The following ZFAT variants were observed in gnomAD, a reference collection of about 807,000 sequenced individuals.
ZFAT encodes the protein zinc finger protein ZFAT.
ZFAT carries 64 observed loss-of-function variants against 117.7 expected under a neutral mutation model. The observed-to-expected ratio is 0.54, with a 90% CI of 0.44 to 0.67. The LOEUF (loss-of-function observed/expected upper bound fraction) is 0.67, where lower values mean the gene tolerates loss of function less well. Among genes scored for constraint, ZFAT ranks in the 30% least tolerant of loss-of-function variants. The pLI is 0.00. For missense variants in ZFAT, 1,433 were observed against 1,584.5 expected, an observed-to-expected ratio of 0.90 and a Z score of 1.62; for synonymous variants, 679 against 615.0, an observed-to-expected ratio of 1.10 and a Z score of -1.54.
the ZFAT span, among the ~76,000 whole-genome samples, chr8:134,744,588 G>A: frequency 7.9e-5 from 12 of 151,888 alleles, no homozygotes; most frequent in East Asian, 9.7e-4. Context: ...GAACCACTGC[G>A]CGCAGCCTGA....
the ZFAT span, among the ~76,000 whole-genome samples, chr8:134,734,332 T>C: frequency 2.0e-5 from 3 of 152,256 alleles, no homozygotes; most frequent in Non-Finnish European, 2.9e-5. Context: ...GCTGTTCCTA[T>C]ACCCTTGTGA....
intron 13 of ZFAT, among the ~76,000 whole-genome samples, chr8:134,515,011 A>G (rs1047611475): frequency 6.6e-6 from 1 of 151,648 alleles, no homozygotes; most frequent in East Asian, 1.9e-4. Flanking sequence ...CCCTGTGTCC[A>G]TGTGTTCTCA....
chr8:134,665,935 C>T (rs1393708558), intron 1 of ZFAT, among the ~76,000 whole-genome samples: 1 of 152,156 alleles, frequency 6.6e-6, no homozygotes, highest in Non-Finnish European at 1.5e-5. Context: ...CATGGAGGGT[C>T]TCAGAGGCCT....
chr8:134,573,150 T>C (rs1825051505), intron 10 of ZFAT, among the ~76,000 whole-genome samples: 1 of 152,200 alleles, frequency 6.6e-6, no homozygotes, highest in Non-Finnish European at 1.5e-5. Flanking sequence ...GGCAGTGTGC[T>C]GTTTCTTCTC....
At position 134,509,669 on chromosome 8, in the gene ZFAT, G is replaced by GGGCAGT. The variant is rs1216672871; in HGVS notation, c.3436_3441dup (p.Thr1146_Ala1147dup). On this transcript the variant is annotated inframe_insertion, in exon 15 of 16. Transcript: ENST00000377838. ...GGTGCCATGGCAACCACCGAGGCAA[G>GGGCAGT]GGCAGTGGCGTCATGGGTCTCGGCG... The GGGCAGT allele has an allele frequency of 3.1e-6, 5 of 1,613,314 alleles. No homozygotes were observed. In the African/African-American group the frequency reaches 6.7e-5, roughly 22 times the overall value.
In ZFAT at chr8:134,600,613, C is replaced by G; in HGVS notation, c.2298G>C (p.Arg766=). ...ACTGAGAGCAATAATACAGATGTTC[C>G]CGGGTGTGGGTGCGGACATGCATAT... ...HFDMHVRTHT[R]EHLYYCSQCH... is the part of the protein sequence containing the mutation. The change falls in exon 7 of 16, where the codon CGG becomes CGC. Residue 766 remains arginine, a synonymous_variant. Transcript: ENST00000377838. 6.2e-7 allele frequency: 1 copy of G among 1,613,542 alleles called. No individual in the cohort carries two copies. Among genetic ancestry groups the G allele is most frequent in the Non-Finnish European group, 8.5e-7 (1 of 1,179,826 alleles).
chr8:134,710,935 AT>A (rs971599503), intron 1 of ZFAT, among the ~76,000 whole-genome samples: 3 of 152,242 alleles, frequency 2.0e-5, no homozygotes, highest in Non-Finnish European at 2.9e-5. Flanking sequence ...CCAGTAAAAA[AT>A]ATGACACACC....
chr8:134,749,111 T>A, the ZFAT span, among the ~76,000 whole-genome samples: 2 of 152,212 alleles, frequency 1.3e-5, no homozygotes, highest in Non-Finnish European at 2.9e-5. Context: ...ACTCTTTTTG[T>A]GGCATCTTTT....
At chr8:134,742,149 G>A in the ZFAT span, among the ~76,000 whole-genome samples, 1 of 144,758 alleles carries the variant, frequency 6.9e-6, no homozygotes, top group Non-Finnish European at 1.5e-5. Context: ...ATTTATTGCT[G>A]TGTCAGATCA....
chr8:134,734,595 G>A, the ZFAT span, among the ~76,000 whole-genome samples: 1 of 152,152 alleles, frequency 6.6e-6, no homozygotes. Context: ...AAGAGGGGTG[G>A]GCAGGATGCC....
intron 11 of ZFAT, among the ~76,000 whole-genome samples, chr8:134,563,416 C>A: frequency 1.3e-5 from 2 of 152,282 alleles, no homozygotes. Context: ...ATATTGAAGG[C>A]GTACCAGCAG....
At chr8:134,806,563 T>C in the ZFAT span, among the ~76,000 whole-genome samples, 19 of 152,230 alleles carry the variant, frequency 1.2e-4, no homozygotes, top group African/African-American at 4.6e-4. Flanking sequence ...GCACATTAAG[T>C]TGCAATAAAC....
At chr8:134,749,961 C>T in the ZFAT span, among the ~76,000 whole-genome samples, 1 of 152,112 alleles carries the variant, frequency 6.6e-6, no homozygotes, top group Non-Finnish European at 1.5e-5. Flanking sequence ...TCTGATAAAA[C>T]AAATCCTTCT....
chr8:134,528,071 G>A (rs139010996), intron 12 of ZFAT, among the ~76,000 whole-genome samples: 5 of 150,806 alleles, frequency 3.3e-5, no homozygotes, highest in East Asian at 1.9e-4. Context: ...AGATGACCAC[G>A]CCTCTTCCTT....
intron 1 of ZFAT, among the ~76,000 whole-genome samples, chr8:134,668,348 C>A (rs559599759): frequency 2.6e-5 from 4 of 152,348 alleles, no homozygotes; most frequent in South Asian, 2.1e-4. Flanking sequence ...CTGGGAGGCA[C>A]CCCCAAGTAG....
rs559493632 is a variant in ZFAT, at chr8:134,619,465, AT to A, written c.449-8811del. On this transcript the variant is annotated intron_variant, in intron 3 of 15. Coordinates refer to ENST00000377838, the MANE Select transcript of ZFAT (RefSeq NM_020863.4). ...TCTAACAAACACATCTCACAAACACATCTCACACAAACAGTCCCTACTGATA... is the reference window on the plus strand; with the variant it reads ...TCTAACAAACACATCTCACAAACACACTCACACAAACAGTCCCTACTGATA... Among the ~76,000 whole-genome samples the A allele has an allele frequency of 7.2e-5, 11 of 152,232 alleles. No homozygotes were observed. The South Asian group carries it at 2.3e-3, about 32-fold the overall frequency.
At chr8:134,514,208 C>G (rs1268178549) in intron 13 of ZFAT, among the ~76,000 whole-genome samples, 2 of 152,210 alleles carry the variant, frequency 1.3e-5, no homozygotes, top group Non-Finnish European at 2.9e-5. Flanking sequence ...ATGGAGTCAA[C>G]TACCCAGTCT....
the ZFAT span, among the ~76,000 whole-genome samples, chr8:134,734,185 C>T: frequency 6.6e-6 from 1 of 152,194 alleles, no homozygotes; most frequent in Non-Finnish European, 1.5e-5. Flanking sequence ...GGCTGCTCTC[C>T]CCCACTTCAG....
intron 3 of ZFAT, among the ~76,000 whole-genome samples, chr8:134,619,898 T>C (rs563175097): frequency 1.1e-3 from 162 of 152,222 alleles, no homozygotes; most frequent in Middle Eastern, 6.8e-3. Flanking sequence ...CAGCATCACA[T>C]TGAAGTCCAG....
Sources: gnomAD v4.1 joint callset for allele counts (sites outside exome capture counted in the v4.1 genomes callset) on GRCh38, gnomAD v4.1.1 for gene constraint, MANE v1.5 for transcripts, NCBI Gene and HGNC (gene_info 2026-07-23, HGNC 2026-07-21) for gene names.